Variants in PRR29 observed in about 807,000 individuals in gnomAD.
PRR29 encodes the protein proline-rich protein 29.
PRR29 carries 20 observed loss-of-function variants against 25.1 expected under a neutral mutation model. That is an observed-to-expected ratio of 0.80 (90% confidence interval 0.56 to 1.16). The LOEUF (loss-of-function observed/expected upper bound fraction) is 1.16, where lower values mean the gene tolerates loss of function less well. Among genes scored for constraint, PRR29 ranks in the 50% most tolerant of loss-of-function variants. The pLI is 0.00. For synonymous variants in PRR29, 108 were observed against 102.6 expected, an observed-to-expected ratio of 1.05 and a Z score of -0.32; for missense variants, 238 against 246.6, an observed-to-expected ratio of 0.97 and a Z score of 0.23.
chr17:63,999,097 G>T (rs1387008724), intron 3 of PRR29, 23 bp downstream of exon 3: 2 of 1,524,848 alleles, frequency 1.3e-6, no homozygotes, highest in Admixed American at 2.0e-5. Flanking sequence ...GGGCCGCCGG[G>T]GTCGCTCACC....
rs147139178 is a variant in PRR29 at position 64,001,564 on chromosome 17, G to A, written c.541+27G>A. 1,200 of 1,504,336 alleles carry A rather than the reference G, an allele frequency of 8.0e-4. 20 individuals carry two copies. In the East Asian group the frequency reaches 0.027, roughly 34 times the overall value. 93.2% of individuals were successfully genotyped at this position (1,504,336 alleles called of 1,614,324 possible). On this transcript the variant is annotated intron_variant, in intron 5 of 5. Transcript: ENST00000412177. ...TAGGGCTGGGGTGGTGGGCAGCGGG[G>A]CCCAGGCCTGGGAGTGAATCAGGAG...
chr17:64,002,055 G>A lies in PRR29; in HGVS notation c.*294G>A. The stretch of plus-strand genomic sequence containing the variant: ...CCACTGCTTCCTGCCTGGAGCAGGG[G>A]GAGGCCTGGGAACAGAGCCCCCACC... On this transcript the variant is annotated 3_prime_UTR_variant, in exon 6 of 6. Coordinates refer to ENST00000412177, the MANE Select transcript of PRR29 (RefSeq NM_001164257.2). 6.9e-7 allele frequency: 1 copy of A among 1,456,176 alleles called. No individual in the cohort carries two copies. The allele number at this position is 1,456,176 out of a possible 1,614,324, so 90.2% of individuals were successfully genotyped here.
chr17:64,002,056 G>A lies in PRR29; in HGVS notation c.*295G>A. The A allele has an allele frequency of 4.1e-6, 6 of 1,458,536 alleles. No homozygotes were observed. The highest frequency in any genetic ancestry group is 4.6e-6 in the Non-Finnish European group (5 of 1,087,276). The allele number at this position is 1,458,536 out of a possible 1,614,324, so 90.3% of individuals were successfully genotyped here. A position where few individuals can be genotyped will look rare whatever the true frequency, so the allele number is the denominator to read the frequency against. On this transcript the variant is annotated 3_prime_UTR_variant, in exon 6 of 6. Coordinates refer to ENST00000412177, the MANE Select transcript of PRR29 (RefSeq NM_001164257.2). Reference sequence around the variant, plus strand: ...CACTGCTTCCTGCCTGGAGCAGGGGGAGGCCTGGGAACAGAGCCCCCACCC... The same window carrying A: ...CACTGCTTCCTGCCTGGAGCAGGGGAAGGCCTGGGAACAGAGCCCCCACCC...
In PRR29 at chr17:64,001,932, C is replaced by G. The variant is rs570812200; in HGVS notation, c.*171C>G. ...CCTGGGGAAATCAGTCCCTGCCCCACGCCAATGAGTTCCTGGACGGGCCGG... is the reference window on the plus strand; with the variant it reads ...CCTGGGGAAATCAGTCCCTGCCCCAGGCCAATGAGTTCCTGGACGGGCCGG... On this transcript the variant is annotated 3_prime_UTR_variant, in exon 6 of 6. Coordinates refer to ENST00000412177, the MANE Select transcript of PRR29 (RefSeq NM_001164257.2). 3.4e-4 allele frequency: 522 copies of G among 1,535,404 alleles called. No homozygotes were observed. The highest frequency in any genetic ancestry group is 1.1e-3 in the Admixed American group (58 of 50,982).
At chr17:63,998,621 G>A (rs1910291688) in intron 1 of PRR29, 86 bp from the exon 2 acceptor site, 3 of 997,548 alleles carry the variant, frequency 3.0e-6, no homozygotes, top group South Asian at 3.0e-5. Flanking sequence ...GGGTTAGGGA[G>A]GCCACTGGCC....
At position 64,001,477 on chromosome 17, in the gene PRR29, C is replaced by G; in HGVS notation, c.481C>G (p.Pro161Ala). 6.8e-7 allele frequency: 1 copy of G among 1,472,246 alleles called. No individual in the cohort carries two copies. The highest frequency in any genetic ancestry group is 1.4e-5 in the South Asian group (1 of 73,704). 91.2% of individuals were successfully genotyped at this position (1,472,246 alleles called of 1,614,324 possible). Reference protein sequence around the residue: ...ASREREVRAVPPPPPPSATGT... With the variant: ...ASREREVRAVAPPPPPSATGT... Reference sequence around the variant, plus strand: ...TTTCCCCCATCTCAGGAGAGCTGTGCCCCCACCCCCACCCCCCAGTGCCAC... The same window carrying G: ...TTTCCCCCATCTCAGGAGAGCTGTGGCCCCACCCCCACCCCCCAGTGCCAC... Residue 161 changes from proline to alanine, a missense_variant, in exon 5 of 6, where the codon CCC becomes GCC. By Grantham distance (27) the Pro-to-Ala change is conservative. Transcript: ENST00000412177.
In PRR29 at chr17:64,002,931, G is replaced by A; in HGVS notation, c.*1170G>A. ...CTGGCTGTCCGACACAGGCTCTGGG[G>A]AGGGAGGGGGCAAGGGTCTTAGACG... On this transcript the variant is annotated 3_prime_UTR_variant, in exon 6 of 6. Transcript: ENST00000412177. 3 of 1,612,686 alleles carry A rather than the reference G, an allele frequency of 1.9e-6. No individual in the cohort carries two copies. Among genetic ancestry groups the A allele is most frequent in the Non-Finnish European group, 2.5e-6 (3 of 1,179,210 alleles).
In PRR29 at chr17:63,999,050, C is replaced by T; in HGVS notation, c.219C>T (p.Pro73=). Residue 73 remains proline (P), a synonymous_variant, in exon 3 of 6, where the codon CCC becomes CCT. Transcript: ENST00000412177. ...LSRLVAGALQ[P]RPASPCPQVY... ...GCCTGGTGGCTGGAGCGCTGCAGCC[C>T]CGGCCTGCCTCGCCCTGCCCTCAGG... The T allele has an allele frequency of 2.0e-6, 3 of 1,535,866 alleles. No individual in the cohort carries two copies. The highest frequency in any genetic ancestry group is 4.9e-5 in the East Asian group (2 of 40,896).
In PRR29 at chr17:64,003,048, C is replaced by T. The variant is rs960023094; in HGVS notation, c.*1287C>T. ...CCCCGCCGCCCGCTCATGCATCCAGCAGTCACCCCAGTTGCAGAGATGAGT... is the reference window on the plus strand; with the variant it reads ...CCCCGCCGCCCGCTCATGCATCCAGTAGTCACCCCAGTTGCAGAGATGAGT... On this transcript the variant is annotated 3_prime_UTR_variant, in exon 6 of 6. Coordinates refer to ENST00000412177, the MANE Select transcript of PRR29 (RefSeq NM_001164257.2). 8 of 717,538 alleles carry T rather than the reference C, an allele frequency of 1.1e-5. No individual in the cohort carries two copies. The African/African-American group carries it at 1.2e-4, about 11-fold the overall frequency. The allele number at this position is 717,538 out of a possible 1,614,324, so 44.4% of individuals were successfully genotyped here.
chr17:64,000,801 C>T (rs1027545019), intron 3 of PRR29: 22 of 391,794 alleles, frequency 5.6e-5, no homozygotes, highest in African/African-American at 3.1e-4. Context: ...TACAGGCGCC[C>T]ACCACCATGC....
rs751379688 is a variant in PRR29, at chr17:64,002,902, C to T, written c.*1141C>T. ...ACCGACACCACCGTGACTATGATGACCATCTGGCTGTCCGACACAGGCTCT... is the reference window on the plus strand; with the variant it reads ...ACCGACACCACCGTGACTATGATGATCATCTGGCTGTCCGACACAGGCTCT... On this transcript the variant is annotated 3_prime_UTR_variant, in exon 6 of 6. Transcript: ENST00000412177. 8 of 1,613,562 alleles carry T rather than the reference C, an allele frequency of 5.0e-6. 1 individual carries two copies. The South Asian group carries it at 5.5e-5, about 11-fold the overall frequency.
chr17:64,002,783 C>T lies in PRR29; in HGVS notation c.*1022C>T, dbSNP rs186856824. 33 of 1,613,114 alleles carry T rather than the reference C, an allele frequency of 2.0e-5. No homozygotes were observed. The highest frequency in any genetic ancestry group is 6.7e-5 in the African/African-American group (5 of 74,932). On this transcript the variant is annotated 3_prime_UTR_variant, in exon 6 of 6. Transcript: ENST00000412177. The stretch of plus-strand genomic sequence containing the variant: ...AGGCCTGGGGCAGCCTCCTCCAAGC[C>T]GCTCGCACCCCGTAGGTGCCCATCC...
Position 64,002,655 on chromosome 17 carries a change from C to G in PRR29, c.*894C>G. 8.5e-7 allele frequency: 1 copy of G among 1,178,858 alleles called. No individual in the cohort carries two copies. Among genetic ancestry groups the G allele is most frequent in the Non-Finnish European group, 1.2e-6 (1 of 828,424 alleles). The allele number at this position is 1,178,858 out of a possible 1,614,324, so 73.0% of individuals were successfully genotyped here. On this transcript the variant is annotated 3_prime_UTR_variant, in exon 6 of 6. Coordinates refer to ENST00000412177, the MANE Select transcript of PRR29 (RefSeq NM_001164257.2). ...AATGTCCCAAGTCTCTGCTGCCTGTCACAGTCCTTCAGCCAGGGCTGGACC... is the reference window on the plus strand; with the variant it reads ...AATGTCCCAAGTCTCTGCTGCCTGTGACAGTCCTTCAGCCAGGGCTGGACC...
Position 63,999,074 on chromosome 17 carries a change from G to C in PRR29, c.243G>C (p.Gln81His). 4 of 1,534,384 alleles carry C rather than the reference G, an allele frequency of 2.6e-6. No individual in the cohort carries two copies. The highest frequency in any genetic ancestry group is 3.5e-6 in the Non-Finnish European group (4 of 1,145,658). ...CCCGGCCTGCCTCGCCCTGCCCTCA[G>C]GTGCGTGTGGGTGGGCCGCCGGGGT... The part of the protein sequence containing the change: ...LQPRPASPCP[Q>H]VYLEVPQEEP... Residue 81 changes from glutamine to histidine, a missense_variant and splice_region_variant, in exon 3 of 6, where the codon CAG (glutamine) becomes CAC (histidine). Physicochemically the swap from Gln to His is conservative, Grantham distance 24. Transcript: ENST00000412177.
chr17:64,001,365 A>G lies in PRR29; in HGVS notation c.470+55A>G, dbSNP rs576217646. ...TGCTCTGGGCTGGAAGTTGCAGAAG[A>G]GCTGTGCAGGGGCTGGTGGTCGGTG... On this transcript the variant is annotated intron_variant, in intron 4 of 5. Coordinates refer to ENST00000412177, the MANE Select transcript of PRR29 (RefSeq NM_001164257.2). 1.7e-5 allele frequency: 25 copies of G among 1,507,638 alleles called. 1 individual carries two copies. In the African/African-American group the frequency reaches 2.6e-4, roughly 16 times the overall value. The allele number at this position is 1,507,638 out of a possible 1,614,324, so 93.4% of individuals were successfully genotyped here.
In PRR29 at chr17:63,998,796, G is replaced by GGGGCCCCCCCCCCCCC; in HGVS notation, c.136+14_136+15insGGGCCCCCCCCCCCCC. 7.4e-7 allele frequency: 1 copy of GGGGCCCCCCCCCCCCC among 1,345,596 alleles called. No individual in the cohort carries two copies. The highest frequency in any genetic ancestry group is 1.0e-6 in the Non-Finnish European group (1 of 975,972). 83.4% of individuals were successfully genotyped at this position (1,345,596 alleles called of 1,614,324 possible). A position where few individuals can be genotyped will look rare whatever the true frequency, so the allele number is the denominator to read the frequency against. On this transcript the variant is annotated intron_variant, in intron 2 of 5. Coordinates refer to ENST00000412177, the MANE Select transcript of PRR29 (RefSeq NM_001164257.2). ...GCGTGAAGGAAGGTGAGACTCCCGG[G>GGGGCCCCCCCCCCCCC]TCCCCCCACCCCACCCCCACCATCA...
Position 64,003,660 on chromosome 17 carries a change from C to T in PRR29, c.*1899C>T. On this transcript the variant is annotated 3_prime_UTR_variant, in exon 6 of 6. Transcript: ENST00000412177. ...CCCCCTCACCATAGATCTCCAACAT[C>T]TTCGGGGCTGAGTGTTTGTGAAAGA... 26 of 1,613,728 alleles carry T rather than the reference C, an allele frequency of 1.6e-5. No individual in the cohort carries two copies. Among genetic ancestry groups the T allele is most frequent in the Non-Finnish European group, 2.0e-5 (24 of 1,179,798 alleles).
At chr17:64,000,259 A>C (rs949558403) in intron 3 of PRR29, among the ~76,000 whole-genome samples, 1 of 152,194 alleles carries the variant, frequency 6.6e-6, no homozygotes, top group South Asian at 2.1e-4. Flanking sequence ...ACAGGAGTAA[A>C]TGTCTCCACA....
In PRR29 at chr17:64,004,067, G is replaced by C. The variant is rs1911030913; in HGVS notation, c.*2306G>C. On this transcript the variant is annotated 3_prime_UTR_variant, in exon 6 of 6. Coordinates refer to ENST00000412177, the MANE Select transcript of PRR29 (RefSeq NM_001164257.2). ...CCTGTCACCATGGTGTTCCACGGTTGGGGAGGAGGTGGCCTGGCCGGCTCC... is the reference window on the plus strand; with the variant it reads ...CCTGTCACCATGGTGTTCCACGGTTCGGGAGGAGGTGGCCTGGCCGGCTCC... 1.1e-6 allele frequency: 1 copy of C among 914,764 alleles called. No individual in the cohort carries two copies. The highest frequency in any genetic ancestry group is 1.6e-6 in the Non-Finnish European group (1 of 614,800). The allele number at this position is 914,764 out of a possible 1,614,324, so 56.7% of individuals were successfully genotyped here. A position where few individuals can be genotyped will look rare whatever the true frequency, so the allele number is the denominator to read the frequency against.
Sources: gnomAD v4.1 joint callset for allele counts (sites outside exome capture counted in the v4.1 genomes callset) on GRCh38, gnomAD v4.1.1 for gene constraint, MANE v1.5 for transcripts, NCBI Gene and HGNC (gene_info 2026-07-23, HGNC 2026-07-21) for gene names.